B4GALT5: variants seen among roughly 807,000 people sequenced by gnomAD.
B4GALT5 encodes the protein UDP-Gal:beta-GlcNAc beta-1,4-galactosyltransferase 5.
In B4GALT5, 11 loss-of-function variants were observed where a neutral mutation model predicts 45.0. That is an observed-to-expected ratio of 0.24 (90% CI 0.15 to 0.40). B4GALT5 has a LOEUF of 0.40. Among genes scored for constraint, B4GALT5 ranks in the 10% least tolerant of loss-of-function variants. The pLI, the probability that B4GALT5 is intolerant of heterozygous loss-of-function variation, is 1.00. For synonymous variants in B4GALT5, 185 were observed against 182.9 expected (o/e 1.01, Z -0.09); for missense variants, 337 against 500.2 (o/e 0.67, Z 3.11).
chr20:49,706,400 T>C (rs62207734), intron 1 of B4GALT5, among the ~76,000 whole-genome samples: 11,369 of 152,176 alleles, frequency 0.075, 548 homozygotes, highest in East Asian at 0.13. Flanking sequence ...TTCAGGAATA[T>C]CTTAATAATT....
Position 49,643,515 on chromosome 20 carries a change from T to A in B4GALT5, c.489+11A>T, listed in dbSNP as rs879211591. On this transcript the variant is annotated intron_variant, in intron 4 of 8. Transcript: ENST00000371711. ...GCTTCTCAGCATTTTGGCTGTGACTTCACACCCTACCTTCCACCGAGGCAT... is the reference window on the plus strand; with the variant it reads ...GCTTCTCAGCATTTTGGCTGTGACTACACACCCTACCTTCCACCGAGGCAT... 6.2e-7 allele frequency: 1 copy of A among 1,613,780 alleles called. No individual in the cohort carries two copies. The highest frequency in any genetic ancestry group is 8.5e-7 in the Non-Finnish European group (1 of 1,179,852).
At chr20:49,685,209 T>C (rs1213285768) in intron 1 of B4GALT5, among the ~76,000 whole-genome samples, 1 of 152,104 alleles carries the variant, frequency 6.6e-6, no homozygotes, top group Non-Finnish European at 1.5e-5. Context: ...GTTACACAGT[T>C]TAAAGGCAGA....
rs544375184 is a variant in B4GALT5, at chr20:49,664,922, T to C, written c.116-8220A>G. 1.6e-4 allele frequency among the ~76,000 whole-genome samples: 25 copies of C among 152,294 alleles called. No homozygotes were observed. In the South Asian group the frequency reaches 5.2e-3, roughly 32 times the overall value. ...AACTGGTGAACTCAGGTGTAGAGCA[T>C]ATATTTATTGTACTATTTTCTCAAT... On this transcript the variant is annotated intron_variant, in intron 1 of 8. Transcript: ENST00000371711.
At chr20:49,643,717 T>TTA (rs912414852) in intron 3 of B4GALT5, 67 bp from the exon 4 acceptor site, 49 of 1,560,634 alleles carry the variant, frequency 3.1e-5, no homozygotes, top group Non-Finnish European at 3.8e-5. Context: ...GCCTGGGGTT[T>TTA]TAGTCTCTGG....
At position 49,645,140 on chromosome 20, in the gene B4GALT5, G is replaced by C. The variant is rs1049244781; in HGVS notation, c.365-1490C>G. Among the ~76,000 whole-genome samples, 14 of 152,216 alleles carry C rather than the reference G, an allele frequency of 9.2e-5. No homozygotes were observed. In the East Asian group the frequency reaches 9.6e-4, roughly 10 times the overall value. Reference sequence around the variant, plus strand: ...GCCTGTAGTCCCAGCTTCTCAGGAGGCTGAGGCAGGACGATTGCTCCCTGA... The same window carrying C: ...GCCTGTAGTCCCAGCTTCTCAGGAGCCTGAGGCAGGACGATTGCTCCCTGA... On this transcript the variant is annotated intron_variant, in intron 3 of 8. Transcript: ENST00000371711.
rs1411773368 is a variant in B4GALT5, at chr20:49,663,680, A to AAAAAAG, written c.116-6979_116-6978insCTTTTT. On this transcript the variant is annotated intron_variant, in intron 1 of 8. Coordinates refer to ENST00000371711, the MANE Select transcript of B4GALT5 (RefSeq NM_004776.4). ...ATAGTGAGAATTCATCTCAAGAAAAAAAAAAAAAAAATATATACATATATA... is the reference window on the plus strand; with the variant it reads ...ATAGTGAGAATTCATCTCAAGAAAAAAAAAAGAAAAAAAAAAATATATACATATATA... 2.4e-3 allele frequency among the ~76,000 whole-genome samples: 190 copies of AAAAAAG among 80,088 alleles called. 20 individuals are homozygous for AAAAAAG. Among genetic ancestry groups the AAAAAAG allele is most frequent in the African/African-American group, 6.2e-3 (113 of 18,262 alleles). 52.5% of individuals were successfully genotyped at this position (80,088 alleles called of 152,430 possible).
At chr20:49,692,166 A>T (rs6063420) in intron 1 of B4GALT5, among the ~76,000 whole-genome samples, 2 of 151,234 alleles carry the variant, frequency 1.3e-5, no homozygotes, top group Non-Finnish European at 1.5e-5. Flanking sequence ...TTTTTTTTTA[A>T]TGTATTCACT....
Position 49,647,032 on chromosome 20 carries a change from TGTA to T in B4GALT5, c.294_296del (p.Thr100del), listed in dbSNP as rs774182559. 5 of 1,614,014 alleles carry T rather than the reference TGTA, an allele frequency of 3.1e-6. No individual in the cohort carries two copies. The East Asian group carries it at 8.9e-5, about 29-fold the overall frequency. ...AGGTGAAGTCTTCAGGAAGAAATGT[TGTA>T]GTTTGCAGGAAGGTTTCACTGTGGT... On this transcript the variant is annotated inframe_deletion, in exon 3 of 9. Coordinates refer to ENST00000371711, the MANE Select transcript of B4GALT5 (RefSeq NM_004776.4).
At chr20:49,637,576 A>C in intron 7 of B4GALT5, 134 bp from the exon 8 acceptor site, 1 of 645,146 alleles carries the variant, frequency 1.6e-6, no homozygotes, top group Non-Finnish European at 2.8e-6. Flanking sequence ...TAACTGACTC[A>C]TTGTGTCATT....
intron 1 of B4GALT5, among the ~76,000 whole-genome samples, chr20:49,690,827 C>G (rs2085807626): frequency 6.6e-6 from 1 of 152,064 alleles, no homozygotes; most frequent in Admixed American, 6.6e-5. Flanking sequence ...CACAAAATAT[C>G]CTAGAGAAGA....
chr20:49,636,907 GAC>G (rs5841760), intron 8 of B4GALT5, among the ~76,000 whole-genome samples: 59 of 146,418 alleles, frequency 4.0e-4, no homozygotes, highest in African/African-American at 5.1e-4. Context: ...ATTTAGAAAA[GAC>G]ACACACACAC....
intron 1 of B4GALT5, among the ~76,000 whole-genome samples, chr20:49,709,768 C>CA (rs201077150): frequency 0.047 from 4,424 of 94,490 alleles, 107 homozygotes; most frequent in African/African-American, 0.1. Flanking sequence ...AACTCCGTCT[C>CA]AAAAAAAAAA....
intron 1 of B4GALT5, among the ~76,000 whole-genome samples, chr20:49,667,456 T>C (rs1424336754): frequency 1.3e-5 from 2 of 152,028 alleles, no homozygotes; most frequent in African/African-American, 2.4e-5. Context: ...GGTTTCACTG[T>C]GTCAGCCAGG....
At chr20:49,713,471 G>A in intron 1 of B4GALT5, 105 bp downstream of exon 1, 1 of 1,180,658 alleles carries the variant, frequency 8.5e-7, no homozygotes, top group Non-Finnish European at 1.2e-6. Context: ...GGAGGACCAG[G>A]CTCAGGGCCG....
At chr20:49,640,725 C>T in intron 5 of B4GALT5, 60 bp from the exon 6 acceptor site, 1 of 1,491,138 alleles carries the variant, frequency 6.7e-7, no homozygotes, top group African/African-American at 1.4e-5. Flanking sequence ...TGCTGTCTTT[C>T]CTGTGCCTAA....
At chr20:49,648,040 T>C (rs2085606381) in intron 2 of B4GALT5, among the ~76,000 whole-genome samples, 1 of 152,202 alleles carries the variant, frequency 6.6e-6, no homozygotes, top group African/African-American at 2.4e-5. Flanking sequence ...TCATCATCTC[T>C]GCTATCATAT....
rs144601936 is a variant in B4GALT5 at position 49,709,821 on chromosome 20, T to G, written c.115+3755A>C. On this transcript the variant is annotated intron_variant, in intron 1 of 8. Coordinates refer to ENST00000371711, the MANE Select transcript of B4GALT5 (RefSeq NM_004776.4). ...TCGTATTTTTAAAACATTAAATGGA[T>G]CAAATGGTATTATTATAGTAGCTGA... 3.5e-4 allele frequency among the ~76,000 whole-genome samples: 53 copies of G among 152,038 alleles called. No homozygotes were observed. In the East Asian group the frequency reaches 5.2e-3, roughly 15 times the overall value.
At chr20:49,667,828 A>AAACTTC (rs1361200594) in intron 1 of B4GALT5, among the ~76,000 whole-genome samples, 3 of 152,232 alleles carry the variant, frequency 2.0e-5, no homozygotes, top group Non-Finnish European at 4.4e-5. Context: ...TATAAGTTTG[A>AAACTTC]AGCTCTAATG....
chr20:49,708,004 C>T (rs1279802013), intron 1 of B4GALT5, among the ~76,000 whole-genome samples: 1 of 141,722 alleles, frequency 7.1e-6, no homozygotes, highest in Non-Finnish European at 1.5e-5. Flanking sequence ...CTTTGGTGGG[C>T]GTATCATCTG....
Sources: allele counts gnomAD v4.1 joint callset (sites outside exome capture counted in the v4.1 genomes callset), GRCh38; gene constraint gnomAD v4.1.1; transcripts MANE v1.5; gene names NCBI Gene and HGNC (gene_info 2026-07-23, HGNC 2026-07-21).